SLC35F3: variants seen among roughly 807,000 people sequenced by gnomAD.
SLC35F3 encodes solute carrier family 35 member F3.
SLC35F3 carries 25 observed loss-of-function variants against 49.9 expected under a neutral mutation model. That is an observed-to-expected ratio of 0.50 (90% CI 0.37 to 0.70). The LOEUF is 0.70. Among genes scored for constraint, SLC35F3 ranks in the 30% least tolerant of loss-of-function variants. The pLI is 0.00. For synonymous variants in SLC35F3, 275 were observed against 265.4 expected (o/e 1.04, Z -0.35); for missense variants, 525 against 639.8 (o/e 0.82, Z 1.94).
intron 3 of SLC35F3, among the ~76,000 whole-genome samples, chr1:234,304,851 A>G (rs1390485876): frequency 1.3e-5 from 2 of 152,222 alleles, no homozygotes; most frequent in African/African-American, 4.8e-5. Flanking sequence ...AAGTCAAGAT[A>G]ATCTCCCATA....
chr1:234,064,112 T>TG (rs1348334643), intron 2 of SLC35F3, among the ~76,000 whole-genome samples: 3 of 152,144 alleles, frequency 2.0e-5, no homozygotes, highest in South Asian at 4.2e-4. Flanking sequence ...GATTTTTTGG[T>TG]GGGGGGGACT....
chr1:234,285,665 CATTA>C (rs1304609571), intron 3 of SLC35F3: 1 of 235,862 alleles, frequency 4.2e-6, no homozygotes, highest in African/African-American at 2.4e-5. Flanking sequence ...AACTGAAAAA[CATTA>C]ATTAGTTATT....
intron 3 of SLC35F3, among the ~76,000 whole-genome samples, chr1:234,305,897 C>A (rs1657157029): frequency 6.6e-6 from 1 of 152,148 alleles, no homozygotes; most frequent in African/African-American, 2.4e-5. Flanking sequence ...AACAGAAGGA[C>A]TTGAGTGTTC....
intron 3 of SLC35F3, among the ~76,000 whole-genome samples, chr1:234,286,596 G>T (rs141455891): frequency 6.6e-6 from 1 of 152,246 alleles, no homozygotes; most frequent in African/African-American, 2.4e-5. Flanking sequence ...GTAATATTAT[G>T]TGGGGCCACA....
chr1:234,122,197 T>G (rs1665587170), intron 2 of SLC35F3, among the ~76,000 whole-genome samples: 1 of 152,208 alleles, frequency 6.6e-6, no homozygotes, highest in Admixed American at 6.5e-5. Context: ...GTGTAAAAGC[T>G]TAATATTGAC....
chr1:233,963,275 A>G (rs951891900), intron 2 of SLC35F3, among the ~76,000 whole-genome samples: 45 of 151,142 alleles, frequency 3.0e-4, no homozygotes, highest in African/African-American at 1.0e-3. Flanking sequence ...GGGGCAGGTC[A>G]TAGCTTTCTT....
intron 2 of SLC35F3, among the ~76,000 whole-genome samples, chr1:234,115,299 A>C (rs1462283892): frequency 2.0e-5 from 3 of 152,180 alleles, no homozygotes; most frequent in Non-Finnish European, 4.4e-5. Flanking sequence ...GGCTGCCCAC[A>C]CATCTGCCTA....
chr1:234,292,149 G>C (rs1299539134), intron 3 of SLC35F3, among the ~76,000 whole-genome samples: 2 of 152,208 alleles, frequency 1.3e-5, no homozygotes, highest in Non-Finnish European at 2.9e-5. Flanking sequence ...GTGCCTATCT[G>C]CTGCCTTTTG....
chr1:234,213,550 A>G (rs1298176850), intron 2 of SLC35F3: 1 of 152,238 alleles, frequency 6.6e-6, no homozygotes, highest in African/African-American at 2.4e-5. Context: ...AAGTGATGCA[A>G]TAGGTATATG....
intron 5 of SLC35F3, among the ~76,000 whole-genome samples, chr1:234,316,972 G>A (rs1320943059): frequency 6.6e-6 from 1 of 152,190 alleles, no homozygotes; most frequent in Non-Finnish European, 1.5e-5. Flanking sequence ...TAGCCACATC[G>A]TTGCAGCACC....
chr1:234,075,863 T>A (rs1664783631), intron 2 of SLC35F3, among the ~76,000 whole-genome samples: 1 of 152,226 alleles, frequency 6.6e-6, no homozygotes, highest in Non-Finnish European at 1.5e-5. Context: ...GCTGATATAC[T>A]GAGTAATTGA....
intron 2 of SLC35F3, among the ~76,000 whole-genome samples, chr1:234,162,593 C>G (rs1005490152): frequency 6.6e-6 from 1 of 151,846 alleles, no homozygotes; most frequent in African/African-American, 2.4e-5. Context: ...CACCTCTGCT[C>G]TCCCCAGCCC....
At chr1:234,040,476 CT>C (rs1280861108) in intron 2 of SLC35F3, among the ~76,000 whole-genome samples, 2 of 152,236 alleles carry the variant, frequency 1.3e-5, no homozygotes, top group Non-Finnish European at 2.9e-5. Flanking sequence ...GGACCCGCCC[CT>C]GTCTGCCTAG....
At chr1:234,109,604 G>A (rs1344596179) in intron 2 of SLC35F3, among the ~76,000 whole-genome samples, 2 of 152,142 alleles carry the variant, frequency 1.3e-5, no homozygotes, top group African/African-American at 2.4e-5. Flanking sequence ...TAATATGTAT[G>A]TCCTCATTCA....
intron 2 of SLC35F3, among the ~76,000 whole-genome samples, chr1:234,169,758 C>CTGTTTTGTTTTGTTTTGTTTTGTTT (rs112663821): frequency 1.1e-4 from 16 of 152,106 alleles, no homozygotes; most frequent in South Asian, 1.0e-3. Flanking sequence ...AGGGGAACAT[C>CTGTTTTGTTTTGTTTTGTTTTGTTT]TGTTTTGTTT....
At chr1:233,992,104 A>G (rs937722136) in intron 2 of SLC35F3, among the ~76,000 whole-genome samples, 3 of 152,212 alleles carry the variant, frequency 2.0e-5, no homozygotes, top group African/African-American at 7.2e-5. Context: ...CAACCTTCCA[A>G]TCCCAGACGG....
intron 2 of SLC35F3, among the ~76,000 whole-genome samples, chr1:234,070,718 G>A (rs977291573): frequency 1.3e-5 from 2 of 150,646 alleles, no homozygotes; most frequent in African/African-American, 4.9e-5. Flanking sequence ...ATCTTTTTCT[G>A]TTTTTCCATA....
At chr1:234,180,086 A>T (rs1237529858) in intron 2 of SLC35F3, among the ~76,000 whole-genome samples, 2 of 152,170 alleles carry the variant, frequency 1.3e-5, no homozygotes, top group African/African-American at 4.8e-5. Context: ...TCTAGGAAAT[A>T]GGGATGAGTG....
intron 2 of SLC35F3, among the ~76,000 whole-genome samples, chr1:233,944,957 A>G (rs772740151): frequency 3.9e-5 from 6 of 152,058 alleles, no homozygotes; most frequent in African/African-American, 7.2e-5. Flanking sequence ...AACAATTGCT[A>G]TTGGTTGTGC....
Sources: allele counts gnomAD v4.1 joint callset (sites outside exome capture counted in the v4.1 genomes callset), GRCh38; gene constraint gnomAD v4.1.1; transcripts MANE v1.5; gene names NCBI Gene and HGNC (gene_info 2026-07-23, HGNC 2026-07-21).